PREP: variants seen among roughly 807,000 people sequenced by gnomAD.
PREP encodes the protein prolyl endopeptidase.
In PREP, 29 loss-of-function variants were observed where a neutral mutation model predicts 87.6. That is an observed-to-expected ratio of 0.33 (90% CI 0.25 to 0.45). PREP has a LOEUF of 0.45. Among genes scored for constraint, PREP ranks in the 20% least tolerant of loss-of-function variants. PREP has a pLI of 1.00. For synonymous variants in PREP, 337 were observed against 328.6 expected (o/e 1.03, Z -0.28); for missense variants, 695 against 886.5 (o/e 0.78, Z 2.74).
chr6:105,313,978 C>T (rs1030571691), intron 10 of PREP, among the ~76,000 whole-genome samples: 1 of 152,192 alleles, frequency 6.6e-6, no homozygotes, highest in African/African-American at 2.4e-5. Flanking sequence ...TATACAGGCA[C>T]ACCTCATAGA....
chr6:105,391,058 C>CACAT (rs1243865276), intron 2 of PREP, among the ~76,000 whole-genome samples: 1 of 149,830 alleles, frequency 6.7e-6, no homozygotes, highest in Non-Finnish European at 1.5e-5. Context: ...CACACACACA[C>CACAT]ACTTTTTTTT....
chr6:105,393,348 A>C (rs1420603639), intron 2 of PREP, among the ~76,000 whole-genome samples: 1 of 152,178 alleles, frequency 6.6e-6, no homozygotes. Context: ...TTTATAAAAC[A>C]AAACCAGAGC....
At chr6:105,323,275 T>C (rs1771061662) in intron 10 of PREP, among the ~76,000 whole-genome samples, 1 of 152,156 alleles carries the variant, frequency 6.6e-6, no homozygotes, top group Non-Finnish European at 1.5e-5. Context: ...AAACACTGAC[T>C]CACAGCACTT....
chr6:105,388,245 T>C (rs1378792162), intron 2 of PREP, among the ~76,000 whole-genome samples: 1 of 152,160 alleles, frequency 6.6e-6, no homozygotes, highest in East Asian at 1.9e-4. Flanking sequence ...TCAAGACTCC[T>C]TCTGTTGGGA....
rs1772609923 is a variant in PREP, at chr6:105,373,499, G to C, written c.465C>G (p.Phe155Leu). The change falls in exon 5 of 15, where the codon TTC (phenylalanine) becomes TTG (leucine). Residue 155 changes from phenylalanine (F) to leucine (L), a missense_variant. Phe to Leu is a conservative substitution (Grantham distance 22, BLOSUM62 0). Coordinates refer to ENST00000652536, the MANE Select transcript of PREP (RefSeq NM_002726.5). ...ASGSDWVTIKFMKVDGAKELP... is the reference protein window; with the variant it reads ...ASGSDWVTIKLMKVDGAKELP... ...GCTCTTTGGCACCATCAACTTTCAT[G>C]AACTTGATTGTCACCCAGTCTGAGC... The C allele has an allele frequency of 6.2e-7, 1 of 1,614,076 alleles. No homozygotes were observed. Among genetic ancestry groups the C allele is most frequent in the Non-Finnish European group, 8.5e-7 (1 of 1,180,036 alleles).
At chr6:105,359,598 G>T (rs1401374437) in intron 6 of PREP, among the ~76,000 whole-genome samples, 1 of 152,162 alleles carries the variant, frequency 6.6e-6, no homozygotes, top group African/African-American at 2.4e-5. Flanking sequence ...GTGCTGGGCT[G>T]CCCTCTAGGG....
intron 10 of PREP, among the ~76,000 whole-genome samples, chr6:105,316,758 AG>A (rs1770880835): frequency 1.3e-5 from 2 of 152,224 alleles, no homozygotes; most frequent in Non-Finnish European, 2.9e-5. Context: ...TTATAAAACA[AG>A]TCATTAAATA....
intron 10 of PREP, among the ~76,000 whole-genome samples, chr6:105,294,068 C>G (rs76911107): frequency 0.024 from 3,682 of 152,244 alleles, 107 homozygotes; most frequent in East Asian, 0.1. Flanking sequence ...AAGAAGCTAA[C>G]AAACTCCTTG....
chr6:105,372,837 C>A (rs1354354864), intron 5 of PREP, among the ~76,000 whole-genome samples: 1 of 152,242 alleles, frequency 6.6e-6, no homozygotes, highest in East Asian at 1.9e-4. Flanking sequence ...ATAATGATCT[C>A]ATTTTTCCGC....
intron 7 of PREP, among the ~76,000 whole-genome samples, chr6:105,344,508 G>A (rs191979774): frequency 6.9e-5 from 10 of 144,188 alleles, no homozygotes; most frequent in Admixed American, 1.4e-4. Context: ...AAAAAAAAAA[G>A]GATGAGTTCA....
rs78648782 is a variant in PREP at position 105,331,211 on chromosome 6, T to C, written c.1015+2103A>G. On this transcript the variant is annotated intron_variant, in intron 8 of 14. Transcript: ENST00000652536. ...ATGGCACATTCAAATTCAACCATGC[T>C]TCTCTTTAAATTGATGAGTTCTAGT... is the stretch of plus-strand genomic sequence containing the variant. Among the ~76,000 whole-genome samples, 341 of 152,286 alleles carry C rather than the reference T, an allele frequency of 2.2e-3. 2 individuals are homozygous for C. Among genetic ancestry groups the C allele is most frequent in the African/African-American group, 6.9e-3 (285 of 41,550 alleles).
At chr6:105,395,949 C>T (rs1773276910) in intron 2 of PREP, among the ~76,000 whole-genome samples, 1 of 152,182 alleles carries the variant, frequency 6.6e-6, no homozygotes, top group Non-Finnish European at 1.5e-5. Context: ...AGACCCAATC[C>T]CTCTGTCTCA....
intron 7 of PREP, 146 bp from the exon 8 acceptor site, chr6:105,333,651 GA>G: frequency 1.2e-6 from 1 of 846,622 alleles, no homozygotes; most frequent in South Asian, 1.8e-5. Context: ...AAAGGAGCAA[GA>G]ACCAGTTGTG....
chr6:105,285,950 A>G (rs545365739), intron 11 of PREP, among the ~76,000 whole-genome samples: 1 of 152,112 alleles, frequency 6.6e-6, no homozygotes, highest in South Asian at 2.1e-4. Flanking sequence ...TAATTTTTGT[A>G]TTTTTAGTAG....
At chr6:105,319,540 A>G (rs1770951014) in intron 10 of PREP, among the ~76,000 whole-genome samples, 2 of 152,252 alleles carry the variant, frequency 1.3e-5, no homozygotes, top group South Asian at 4.1e-4. Flanking sequence ...ATTCAACCAC[A>G]GTACACTATT....
At position 105,401,533 on chromosome 6, in the gene PREP, C is replaced by G. The variant is rs111512311; in HGVS notation, c.45+1314G>C. Among the ~76,000 whole-genome samples the G allele has an allele frequency of 6.5e-4, 99 of 152,320 alleles. 1 individual carries two copies. Among genetic ancestry groups the G allele is most frequent in the African/African-American group, 2.2e-3 (93 of 41,562 alleles). On this transcript the variant is annotated intron_variant, in intron 1 of 14. Coordinates refer to ENST00000652536, the MANE Select transcript of PREP (RefSeq NM_002726.5). ...TCACCTAACTAGTGAATGACAGAACCAGAACTAGCGCTCTGGTCTTTTCAT... is the reference window on the plus strand; with the variant it reads ...TCACCTAACTAGTGAATGACAGAACGAGAACTAGCGCTCTGGTCTTTTCAT...
chr6:105,299,773 T>C (rs1770492828), intron 10 of PREP, among the ~76,000 whole-genome samples: 1 of 152,226 alleles, frequency 6.6e-6, no homozygotes, highest in Non-Finnish European at 1.5e-5. Context: ...GTTGAAAGTG[T>C]TAGAGCCTTT....
intron 5 of PREP, among the ~76,000 whole-genome samples, chr6:105,372,747 C>T (rs529387124): frequency 4.4e-4 from 67 of 152,346 alleles, no homozygotes; most frequent in African/African-American, 1.5e-3. Context: ...AATCAAATAG[C>T]TTGGTTCGGT....
At position 105,323,701 on chromosome 6, in the gene PREP, T is replaced by C. The variant is rs1771076913; in HGVS notation, c.1281A>G (p.Val427=). The C allele has an allele frequency of 1.2e-6, 2 of 1,613,314 alleles. No individual in the cohort carries two copies. The highest frequency in any genetic ancestry group is 1.7e-5 in the Admixed American group (1 of 60,000). Residue 427 remains valine (V), a synonymous_variant, in exon 10 of 15, where the codon GTA becomes GTG. Transcript: ENST00000652536. ...GGTAATCAGAAGCATCAATTCCTTT[T>C]ACGGTCACCTCTCGGAAAACTCTTG... The part of the protein sequence containing the change: ...LEPRVFREVT[V]KGIDASDYQT...
Sources: gnomAD v4.1 joint callset for allele counts (sites outside exome capture counted in the v4.1 genomes callset) on GRCh38, gnomAD v4.1.1 for gene constraint, MANE v1.5 for transcripts, NCBI Gene and HGNC (gene_info 2026-07-23, HGNC 2026-07-21) for gene names.